The following BPIFA2 variants were observed in gnomAD, a reference collection of about 807,000 sequenced individuals.
BPIFA2 encodes BPI fold containing family A member 2, also known as BPI fold-containing family A member 2.
A neutral mutation model predicts 25.7 loss-of-function variants in BPIFA2; 20 were observed. That is an observed-to-expected ratio of 0.78 (90% CI 0.55 to 1.13). The LOEUF is 1.13. BPIFA2 is among the 50% of genes most tolerant of loss of function. BPIFA2 has a pLI of 0.00. For missense variants in BPIFA2, 300 were observed against 298.1 expected (o/e 1.01, Z -0.05); for synonymous variants, 126 against 124.3 (o/e 1.01, Z -0.09).
chr20:33,177,873 T>G (rs1382668646), intron 5 of BPIFA2, among the ~76,000 whole-genome samples: 6 of 152,188 alleles, frequency 3.9e-5, no homozygotes, highest in Non-Finnish European at 7.4e-5. Context: ...AGGTTCCTGG[T>G]GCATAGCTGG....
In BPIFA2 at chr20:33,174,107, G is replaced by T; in HGVS notation, c.331G>T (p.Asp111Tyr). The change falls in exon 4 of 9, where the codon GAT becomes TAT. Residue 111 changes from aspartate (D) to tyrosine (Y), a missense_variant. By Grantham distance (160) the Asp-to-Tyr change is radical. Transcript: ENST00000354932. ...GLKISNSLIL[D>Y]VKAEPIDDGK... ...GAAAATCAGCAACTCCCTCATCCTG[G>T]ATGTCAAAGCTGAACCGATCGATGA... is the stretch of plus-strand genomic sequence containing the variant. The T allele has an allele frequency of 1.2e-6, 2 of 1,614,172 alleles. No individual in the cohort carries two copies. Among genetic ancestry groups the T allele is most frequent in the Non-Finnish European group, 1.7e-6 (2 of 1,180,026 alleles).
rs1983825339 is a variant in BPIFA2 at position 33,169,320 on chromosome 20, A to G, written c.157+18A>G. 6.2e-7 allele frequency: 1 copy of G among 1,612,256 alleles called. No homozygotes were observed. Among genetic ancestry groups the G allele is most frequent in the Non-Finnish European group, 8.5e-7 (1 of 1,178,346 alleles). ...TCTTAAAGGTAAATCAACAAGGGTG[A>G]TGAACAGTGTCACCTAAATTAGCCT... On this transcript the variant is annotated intron_variant, in intron 2 of 8. Transcript: ENST00000354932.
At chr20:33,175,340 A>G (rs938520703) in intron 4 of BPIFA2, 67 bp from the exon 5 acceptor site, 23 of 1,491,508 alleles carry the variant, frequency 1.5e-5, no homozygotes, top group Middle Eastern at 1.9e-4. Flanking sequence ...ACACAGGTGG[A>G]GGAACCCAAC....
At chr20:33,166,380 AGTCAAACCATCGTAAGCC>A (rs1422877482), upstream of BPIFA2, among the ~76,000 whole-genome samples, 1 of 152,178 alleles carries the variant, frequency 6.6e-6, no homozygotes, top group Admixed American at 6.5e-5. Flanking sequence ...GAAATATTGA[AGTCAAACCATCGTAAGCC>A]GGGACCATAT....
chr20:33,176,135 C>T (rs1984068768), intron 5 of BPIFA2, among the ~76,000 whole-genome samples: 1 of 149,396 alleles, frequency 6.7e-6, no homozygotes, highest in South Asian at 2.1e-4. Flanking sequence ...GAGTAAGTGC[C>T]TGCCACGGGC....
intron 1 of BPIFA2, among the ~76,000 whole-genome samples, chr20:33,162,432 C>A (rs1430984081): frequency 6.6e-6 from 1 of 152,200 alleles, no homozygotes; most frequent in Non-Finnish European, 1.5e-5. Flanking sequence ...TCTCAGACAG[C>A]GGCCATGCCT....
chr20:33,173,138 G>A, intron 3 of BPIFA2, 62 bp downstream of exon 3: 1 of 1,561,394 alleles, frequency 6.4e-7, no homozygotes, highest in Non-Finnish European at 8.7e-7. Flanking sequence ...TATCTTTGAG[G>A]AGGTAAGTTT....
In BPIFA2 at chr20:33,174,159, C is replaced by T. The variant is rs1353568494; in HGVS notation, c.383C>T (p.Pro128Leu). 6.2e-7 allele frequency: 1 copy of T among 1,614,184 alleles called. No homozygotes were observed. The highest frequency in any genetic ancestry group is 8.5e-7 in the Non-Finnish European group (1 of 1,180,016). ...DDGKGLNLSF[P>L]VTANVTVAGP... ...GGCAAAGGCCTTAACCTGAGCTTCC[C>T]TGTCACCGCGAATGTCACTGTGGCC... Residue 128 changes from proline (P) to leucine (L), a missense_variant, in exon 4 of 9, where the codon CCT becomes CTT. Transcript: ENST00000354932.
chr20:33,178,399 A>G (rs1258320600), intron 6 of BPIFA2, among the ~76,000 whole-genome samples, 171 bp downstream of exon 6: 2 of 152,172 alleles, frequency 1.3e-5, no homozygotes, highest in Non-Finnish European at 2.9e-5. Flanking sequence ...GTAGCAGGGT[A>G]GAGCAGAGGC....
rs1389554473 is a variant in BPIFA2, at chr20:33,181,337, C to T, written c.*151C>T. ...CCCACCAGAAGGACCTTCCCAGATA[C>T]CCCTTCTCCTCACAGTCAGAACAGC... On this transcript the variant is annotated 3_prime_UTR_variant, in exon 9 of 9. Transcript: ENST00000354932. 6.6e-6 allele frequency: 1 copy of T among 152,588 alleles called. No homozygotes were observed. The highest frequency in any genetic ancestry group is 6.5e-5 in the Admixed American group (1 of 15,288). The allele number at this position is 152,588 out of a possible 1,614,324, so 9.5% of individuals were successfully genotyped here.
At chr20:33,171,364 G>A (rs6059143) in intron 2 of BPIFA2, among the ~76,000 whole-genome samples, 13,546 of 151,924 alleles carry the variant, frequency 0.089, 1,187 homozygotes, top group African/African-American at 0.23. Flanking sequence ...CTTCCTATCC[G>A]TGAGCATGGA....
chr20:33,168,714 C>A (rs1983799496), intron 1 of BPIFA2, among the ~76,000 whole-genome samples: 1 of 152,146 alleles, frequency 6.6e-6, no homozygotes, highest in African/African-American at 2.4e-5. Flanking sequence ...GAAGTGTTAT[C>A]CAAGACCTTG....
chr20:33,164,061 T>G (rs1264884976), upstream of BPIFA2, among the ~76,000 whole-genome samples: 6 of 152,196 alleles, frequency 3.9e-5, no homozygotes, highest in African/African-American at 1.4e-4. Context: ...GCTCACCTAC[T>G]GCCCTGGAGT....
At chr20:33,173,622 A>G (rs1245452626) in intron 3 of BPIFA2, among the ~76,000 whole-genome samples, 1 of 152,164 alleles carries the variant, frequency 6.6e-6, no homozygotes, top group Non-Finnish European at 1.5e-5. Context: ...CTCCTGCCTC[A>G]GCCTCCTGAG....
intron 2 of BPIFA2, 99 bp from the exon 3 acceptor site, chr20:33,172,833 A>G: frequency 1.5e-6 from 2 of 1,308,354 alleles, no homozygotes; most frequent in Non-Finnish European, 2.1e-6. Context: ...TATAAAGATT[A>G]AATGAAATAA....
intron 4 of BPIFA2, 107 bp from the exon 5 acceptor site, chr20:33,175,300 C>T (rs1445314137): frequency 5.4e-6 from 6 of 1,117,070 alleles, no homozygotes; most frequent in Non-Finnish European, 7.7e-6. Flanking sequence ...GCCATGTTGA[C>T]ATTACACATA....
chr20:33,166,269 G>A (rs1451265562), upstream of BPIFA2, among the ~76,000 whole-genome samples: 1 of 151,986 alleles, frequency 6.6e-6, no homozygotes, highest in Non-Finnish European at 1.5e-5. Flanking sequence ...TGCCCGCCTC[G>A]GCCTCCCAAA....
rs375172929 is a variant in BPIFA2 at position 33,179,628 on chromosome 20, A to G, written c.670A>G (p.Ile224Val). Residue 224 changes from isoleucine to valine, a missense_variant, in exon 7 of 9, where the codon ATC becomes GTC. Coordinates refer to ENST00000354932, the MANE Select transcript of BPIFA2 (RefSeq NM_080574.4). ...GATATGTCCACTGATCCGCATCTTC[A>G]TCCACTCCCTGGATGTGAATGTCAT... Reference protein sequence around the residue: ...KEICPLIRIFIHSLDVNVIQQ... With the variant: ...KEICPLIRIFVHSLDVNVIQQ... The G allele has an allele frequency of 6.2e-7, 1 of 1,613,008 alleles. No individual in the cohort carries two copies. The highest frequency in any genetic ancestry group is 1.7e-5 in the Admixed American group (1 of 60,022).
chr20:33,178,070 A>AC, intron 5 of BPIFA2, 77 bp from the exon 6 acceptor site: 1 of 1,086,418 alleles, frequency 9.2e-7, no homozygotes, highest in Non-Finnish European at 1.4e-6. Context: ...TATTTCCCGC[A>AC]CCGCCCCCAA....
Sources: gnomAD v4.1 joint callset for allele counts (sites outside exome capture counted in the v4.1 genomes callset) on GRCh38, gnomAD v4.1.1 for gene constraint, MANE v1.5 for transcripts, NCBI Gene and HGNC (gene_info 2026-07-23, HGNC 2026-07-21) for gene names.